Variants in TRIM33 observed in about 807,000 individuals in gnomAD.
The protein encoded by TRIM33 is tripartite motif containing 33, also known as E3 ubiquitin-protein ligase TRIM33.
In TRIM33, 20 loss-of-function variants were observed where a neutral mutation model predicts 125.4. The ratio of observed to expected loss-of-function variants is 0.16; its 90% confidence interval spans 0.11 to 0.23. The LOEUF (loss-of-function observed/expected upper bound fraction) is 0.23. Among genes scored for constraint, TRIM33 ranks in the 10% least tolerant of loss-of-function variants. TRIM33 has a pLI of 1.00. For synonymous variants in TRIM33, 564 were observed against 513.9 expected (o/e 1.10, Z -1.32); for missense variants, 920 against 1,411.4 (o/e 0.65, Z 5.58).
chr1:114,447,211 AG>A (rs1466840939), intron 4 of TRIM33, among the ~76,000 whole-genome samples: 1 of 152,204 alleles, frequency 6.6e-6, no homozygotes. Flanking sequence ...AGACTACTGC[AG>A]TAATCTAGGC....
At chr1:114,470,214 A>C (rs920032792) in intron 1 of TRIM33, among the ~76,000 whole-genome samples, 2 of 152,230 alleles carry the variant, frequency 1.3e-5, no homozygotes, top group African/African-American at 4.8e-5. Flanking sequence ...ACTGCTTCAC[A>C]GATGCTGAGC....
chr1:114,434,198 C>A (rs1648138613), intron 4 of TRIM33, among the ~76,000 whole-genome samples: 2 of 152,130 alleles, frequency 1.3e-5, no homozygotes, highest in South Asian at 2.1e-4. Context: ...TTAATAAAGA[C>A]AAGGTCTATG....
At chr1:114,485,847 A>C (rs1383015106) in intron 1 of TRIM33, among the ~76,000 whole-genome samples, 1 of 152,204 alleles carries the variant, frequency 6.6e-6, no homozygotes, top group Non-Finnish European at 1.5e-5. Context: ...ATACTCAAAA[A>C]ATTATTTGTC....
chr1:114,425,768 C>G, intron 8 of TRIM33, 45 bp from the exon 9 acceptor site: 1 of 1,398,046 alleles, frequency 7.2e-7, no homozygotes, highest in Non-Finnish European at 9.9e-7. Context: ...TCAACTAAAT[C>G]ATCTACTTTG....
chr1:114,395,403 A>G lies in TRIM33; in HGVS notation c.*2245T>C, dbSNP rs955894499. The G allele has an allele frequency of 5.0e-6, 1 of 199,116 alleles. No individual in the cohort carries two copies. Among genetic ancestry groups the G allele is most frequent in the African/African-American group, 2.3e-5 (1 of 43,482 alleles). The allele number at this position is 199,116 out of a possible 1,614,324, so 12.3% of individuals were successfully genotyped here. ...TATTTTTTAAGGCCCCAAATACTGA[A>G]AAATATTTACTTAAAATGTTTCTCC... On this transcript the variant is annotated 3_prime_UTR_variant, in exon 20 of 20. Coordinates refer to ENST00000358465, the MANE Select transcript of TRIM33 (RefSeq NM_015906.4).
At chr1:114,422,882 C>A (rs967817306) in intron 10 of TRIM33, among the ~76,000 whole-genome samples, 1 of 152,034 alleles carries the variant, frequency 6.6e-6, no homozygotes, top group African/African-American at 2.4e-5. Context: ...TAATAAAATT[C>A]TTTTAATTCC....
intron 17 of TRIM33, 53 bp downstream of exon 17, chr1:114,401,336 A>C: frequency 6.7e-7 from 1 of 1,490,436 alleles, no homozygotes. Flanking sequence ...CAGAGCCCAT[A>C]CTCTTAAGTA....
chr1:114,510,989 C>A lies in TRIM33; in HGVS notation c.88G>T (p.Ala30Ser). Residue 30 changes from alanine to serine, a missense_variant, in exon 1 of 20, where the codon GCC becomes TCC. Coordinates refer to ENST00000358465, the MANE Select transcript of TRIM33 (RefSeq NM_015906.4). ...AGAGGCGGCTCCGCCTCCTGCGCGG[C>A]GGGCCCGGCGGCCCCGGCAGTTACC... Reference protein sequence around the residue: ...APVTAGAAGPAAQEAEPPLTA... With the variant: ...APVTAGAAGPSAQEAEPPLTA... 5.2e-6 allele frequency: 7 copies of A among 1,335,092 alleles called. No individual in the cohort carries two copies. The highest frequency in any genetic ancestry group is 6.7e-6 in the Non-Finnish European group (7 of 1,044,846). The allele number at this position is 1,335,092 out of a possible 1,614,324, so 82.7% of individuals were successfully genotyped here.
Position 114,511,108 on chromosome 1 carries a change from GCGCCGCC to G in TRIM33, c.-39_-33del, listed in dbSNP as rs1376564237. ...CTCTTTGAACCCGCCGGACCGCCCC[GCGCCGCC>G]CGCCGCCCGCGTCGCCGCCGCCGCC... On this transcript the variant is annotated 5_prime_UTR_variant, in exon 1 of 20. Coordinates refer to ENST00000358465, the MANE Select transcript of TRIM33 (RefSeq NM_015906.4). 7.9e-6 allele frequency: 9 copies of G among 1,144,360 alleles called. No homozygotes were observed. Among genetic ancestry groups the G allele is most frequent in the Admixed American group, 4.9e-5 (1 of 20,570 alleles). The allele number at this position is 1,144,360 out of a possible 1,614,324, so 70.9% of individuals were successfully genotyped here.
In TRIM33 at chr1:114,397,771, T is replaced by G; in HGVS notation, c.3261A>C (p.Ala1087=). 6.2e-7 allele frequency: 1 copy of G among 1,613,930 alleles called. No individual in the cohort carries two copies. Among genetic ancestry groups the G allele is most frequent in the Non-Finnish European group, 8.5e-7 (1 of 1,179,934 alleles). The change falls in exon 20 of 20, where the codon GCA becomes GCC. Residue 1087 remains alanine (A), a synonymous_variant. Transcript: ENST00000358465. ...LTEIYSDRTF[A]PLPEFEQEED... is the part of the protein sequence containing the mutation. The stretch of plus-strand genomic sequence containing the variant: ...CTTCCTGCTCAAACTCTGGCAAAGG[T>G]GCGAAGGTCCTGTCTGAGTAGATCT...
At chr1:114,437,408 G>A (rs115363676) in intron 4 of TRIM33, among the ~76,000 whole-genome samples, 3,929 of 152,174 alleles carry the variant, frequency 0.026, 87 homozygotes, top group Non-Finnish European at 0.034. Flanking sequence ...GCACGATTTC[G>A]GCTCACTGCA....
chr1:114,447,782 AAAGG>A (rs1483622700), intron 4 of TRIM33, among the ~76,000 whole-genome samples: 3 of 152,250 alleles, frequency 2.0e-5, no homozygotes, highest in Admixed American at 6.5e-5. Context: ...AAATGTGTTA[AAAGG>A]AACATTAAAC....
chr1:114,402,852 T>C lies in TRIM33; in HGVS notation c.2800A>G (p.Ile934Val), dbSNP rs1651991127. Residue 934 changes from isoleucine (I) to valine (V), a missense_variant, in exon 16 of 20, where the codon ATT (isoleucine) becomes GTT (valine). Around this residue, in one of 8 missense-constraint regions of TRIM33, gnomAD observed 122 missense variants for 236.8 expected, o/e 0.52. Coordinates refer to ENST00000358465, the MANE Select transcript of TRIM33 (RefSeq NM_015906.4). ...TCATATTCAACTTCTGGCTTTCCAATATCTCTACAAAATGTGCATATCCAG... is the reference window on the plus strand; with the variant it reads ...TCATATTCAACTTCTGGCTTTCCAACATCTCTACAAAATGTGCATATCCAG... ...GDWICTFCRD[I>V]GKPEVEYDCD... is the part of the protein sequence containing the mutation. 1 of 1,614,084 alleles carries C rather than the reference T, an allele frequency of 6.2e-7. No individual in the cohort carries two copies. Among genetic ancestry groups the C allele is most frequent in the East Asian group, 2.2e-5 (1 of 44,858 alleles).
chr1:114,471,106 T>G (rs1380275227), intron 1 of TRIM33, among the ~76,000 whole-genome samples: 2 of 152,082 alleles, frequency 1.3e-5, no homozygotes, highest in African/African-American at 4.8e-5. Context: ...GCCTGCAAAG[T>G]TCTTGAAGGA....
At chr1:114,504,814 G>C (rs1049699822) in intron 1 of TRIM33, among the ~76,000 whole-genome samples, 1 of 152,158 alleles carries the variant, frequency 6.6e-6, no homozygotes, top group Admixed American at 6.5e-5. Context: ...ACAAGATCTA[G>C]GTAACTAGAA....
In TRIM33 at chr1:114,511,185, G is replaced by C. The variant is rs1043921048; in HGVS notation, c.-109C>G. ...GCCGCAGCAAGAGCGGCAGCCGAGA[G>C]CTAGCGAGAGAGCGAACCAACGAGA... is the stretch of plus-strand genomic sequence containing the variant. On this transcript the variant is annotated 5_prime_UTR_variant, in exon 1 of 20. Coordinates refer to ENST00000358465, the MANE Select transcript of TRIM33 (RefSeq NM_015906.4). The C allele has an allele frequency of 3.9e-5, 39 of 996,472 alleles. No individual in the cohort carries two copies. The highest frequency in any genetic ancestry group is 5.5e-5 in the Admixed American group (1 of 18,124). 61.7% of individuals were successfully genotyped at this position (996,472 alleles called of 1,614,324 possible).
chr1:114,418,338 CAG>C (rs1329065648), intron 11 of TRIM33, among the ~76,000 whole-genome samples: 1 of 152,246 alleles, frequency 6.6e-6, no homozygotes, highest in Non-Finnish European at 1.5e-5. Context: ...GGTGAGGACA[CAG>C]AGCCAAACTG....
At chr1:114,428,937 C>T (rs1417694207) in intron 6 of TRIM33, among the ~76,000 whole-genome samples, 1 of 151,816 alleles carries the variant, frequency 6.6e-6, no homozygotes. Flanking sequence ...TCACTGCAAA[C>T]TCCACTTCCC....
chr1:114,448,865 G>A (rs953009218), intron 4 of TRIM33, among the ~76,000 whole-genome samples: 2 of 152,078 alleles, frequency 1.3e-5, no homozygotes, highest in African/African-American at 4.8e-5. Flanking sequence ...CAAATGATAA[G>A]ATCTAGTATA....
Sources: gnomAD v4.1 joint callset for allele counts (sites outside exome capture counted in the v4.1 genomes callset) on GRCh38, gnomAD v4.1.1 for gene constraint, gnomAD v4.1.1 regional missense constraint, MANE v1.5 for transcripts, NCBI Gene and HGNC (gene_info 2026-07-23, HGNC 2026-07-21) for gene names.